Variants in ROCK2 observed in about 807,000 individuals in gnomAD.
ROCK2 encodes the protein rho-associated protein kinase 2.
ROCK2 carries 61 observed loss-of-function variants against 195.1 expected under a neutral mutation model. The ratio of observed to expected loss-of-function variants is 0.31; its 90% CI spans 0.25 to 0.39. The LOEUF is 0.39. Ranked by LOEUF, ROCK2 falls within the 10% of genes least tolerant of loss-of-function variation. ROCK2 has a pLI of 1.00. For synonymous variants in ROCK2, 504 were observed against 545.5 expected, an observed-to-expected ratio of 0.92 and a Z score of 1.06; for missense variants, 1,109 against 1,637.4, an observed-to-expected ratio of 0.68 and a Z score of 5.57.
intron 1 of ROCK2, among the ~76,000 whole-genome samples, chr2:11,299,354 A>G (rs904902154): frequency 1.3e-5 from 2 of 152,166 alleles, no homozygotes; most frequent in Non-Finnish European, 2.9e-5. Context: ...TTCCAGTCAA[A>G]TATTAATCAA....
In ROCK2 at chr2:11,344,444, C is replaced by G. The variant is rs1669221434; in HGVS notation, c.-308G>C. The G allele has an allele frequency of 9.7e-7, 1 of 1,034,176 alleles. No homozygotes were observed. The highest frequency in any genetic ancestry group is 1.2e-6 in the Non-Finnish European group (1 of 862,476). The allele number at this position is 1,034,176 out of a possible 1,614,324, so 64.1% of individuals were successfully genotyped here. Reference sequence around the variant, plus strand: ...TCCTCAGCGAGTGCCCGCAGGAGTCCTCGGGCGGGAGCAGGGAAGTGGCGC... The same window carrying G: ...TCCTCAGCGAGTGCCCGCAGGAGTCGTCGGGCGGGAGCAGGGAAGTGGCGC... On this transcript the variant is annotated 5_prime_UTR_variant, in exon 1 of 33. Coordinates refer to ENST00000315872, the MANE Select transcript of ROCK2 (RefSeq NM_004850.5). This position sits in a 1 kb window ranked among gnomAD's most constrained non-coding sequence, Gnocchi z 5.4.
Position 11,192,833 on chromosome 2 carries a change from T to C in ROCK2, c.3688-121A>G, listed in dbSNP as rs1318300465. Reference sequence around the variant, plus strand: ...AATTATTCAAAGAGAAGAAAATGTATCTGAAGTACAAACTTAAGCTCTTGA... The same window carrying C: ...AATTATTCAAAGAGAAGAAAATGTACCTGAAGTACAAACTTAAGCTCTTGA... On this transcript the variant is annotated intron_variant, in intron 30 of 32. Coordinates refer to ENST00000315872, the MANE Select transcript of ROCK2 (RefSeq NM_004850.5). The surrounding 1 kb of genome is among the most constrained non-coding windows in gnomAD (Gnocchi z 5.0). 3 of 1,128,172 alleles carry C rather than the reference T, an allele frequency of 2.7e-6. No individual in the cohort carries two copies. Among genetic ancestry groups the C allele is most frequent in the Non-Finnish European group, 3.7e-6 (3 of 816,612 alleles). The allele number at this position is 1,128,172 out of a possible 1,614,324, so 69.9% of individuals were successfully genotyped here.
chr2:11,309,023 T>G, intron 1 of ROCK2: 2 of 1,564,630 alleles, frequency 1.3e-6, no homozygotes, highest in Non-Finnish European at 1.7e-6. Context: ...GTATTCACCC[T>G]TCAACAGGCA....
intron 12 of ROCK2, among the ~76,000 whole-genome samples, chr2:11,216,545 C>G (rs1664435749): frequency 6.7e-6 from 1 of 149,652 alleles, no homozygotes; most frequent in Non-Finnish European, 1.5e-5. Context: ...GAGTCTCGCT[C>G]TGTCGCCCAG....
At chr2:11,236,847 A>G (rs1246038215) in intron 4 of ROCK2, among the ~76,000 whole-genome samples, 2 of 152,216 alleles carry the variant, frequency 1.3e-5, no homozygotes, top group Non-Finnish European at 1.5e-5. Flanking sequence ...CAAACCGAAG[A>G]CAGCTTTAAA....
rs150658694 is a variant in ROCK2 at position 11,342,940 on chromosome 2, C to G, written c.141+1056G>C. The stretch of plus-strand genomic sequence containing the variant: ...CAACCGCCTCTGACCAAAAGCCAGT[C>G]CGTCCGTCCCTGGAAAGGGAGGAGG... On this transcript the variant is annotated intron_variant, in intron 1 of 32. Coordinates refer to ENST00000315872, the MANE Select transcript of ROCK2 (RefSeq NM_004850.5). Among the ~76,000 whole-genome samples, 1,069 of 152,312 alleles carry G rather than the reference C, an allele frequency of 7.0e-3. 15 individuals are homozygous for G. Among genetic ancestry groups the G allele is most frequent in the African/African-American group, 0.024 (1,016 of 41,546 alleles).
intron 5 of ROCK2, among the ~76,000 whole-genome samples, chr2:11,231,676 T>C (rs1242796431): frequency 6.6e-6 from 1 of 152,138 alleles, no homozygotes; most frequent in African/African-American, 2.4e-5. Flanking sequence ...CACTCACATT[T>C]AGATAAGTTT....
At chr2:11,295,485 C>T (rs1667483917) in intron 1 of ROCK2, among the ~76,000 whole-genome samples, 1 of 151,808 alleles carries the variant, frequency 6.6e-6, no homozygotes, top group African/African-American at 2.4e-5. Context: ...CCCCAAAAGG[C>T]CTGCTGGTTT....
Position 11,224,309 on chromosome 2 carries a change from C to A in ROCK2, c.1007+13G>T. On this transcript the variant is annotated intron_variant, in intron 7 of 32. Coordinates refer to ENST00000315872, the MANE Select transcript of ROCK2 (RefSeq NM_004850.5). Reference sequence around the variant, plus strand: ...TAAAGGGCTTCTCTACAAAGAAATTCAATGTACATTACCTATCTGTTAAGA... The same window carrying A: ...TAAAGGGCTTCTCTACAAAGAAATTAAATGTACATTACCTATCTGTTAAGA... The A allele has an allele frequency of 6.3e-7, 1 of 1,588,540 alleles. No individual in the cohort carries two copies. Among genetic ancestry groups the A allele is most frequent in the South Asian group, 1.2e-5 (1 of 86,192 alleles).
intron 3 of ROCK2, among the ~76,000 whole-genome samples, chr2:11,262,549 T>C (rs1288969205): frequency 6.6e-6 from 1 of 152,124 alleles, no homozygotes; most frequent in Non-Finnish European, 1.5e-5. Flanking sequence ...GTTCTCATGA[T>C]AGTAAGTAGT....
chr2:11,214,829 G>A lies in ROCK2; in HGVS notation c.1936+11C>T, dbSNP rs182816759. The A allele has an allele frequency of 1.3e-4, 209 of 1,584,234 alleles. No individual in the cohort carries two copies. Among genetic ancestry groups the A allele is most frequent in the Non-Finnish European group, 1.2e-4 (138 of 1,167,062 alleles). ...TCAAAATTAATTCAAGTGCAACCAC[G>A]ACTTCAATACCTTGTAAATCATTAA... On this transcript the variant is annotated intron_variant, in intron 16 of 32. Coordinates refer to ENST00000315872, the MANE Select transcript of ROCK2 (RefSeq NM_004850.5).
At chr2:11,292,046 G>C (rs1212564947) in intron 1 of ROCK2, among the ~76,000 whole-genome samples, 2 of 152,106 alleles carry the variant, frequency 1.3e-5, no homozygotes, top group Admixed American at 6.5e-5. Context: ...TGTGAATTTA[G>C]TAACTCAGAG....
At chr2:11,220,502 AT>A (rs1351885835) in intron 9 of ROCK2, among the ~76,000 whole-genome samples, 1 of 152,174 alleles carries the variant, frequency 6.6e-6, no homozygotes, top group East Asian at 1.9e-4. Context: ...ACCAATATTT[AT>A]TGAATGATCT....
intron 1 of ROCK2, among the ~76,000 whole-genome samples, chr2:11,298,592 G>C (rs1378798430): frequency 6.6e-6 from 1 of 151,974 alleles, no homozygotes; most frequent in African/African-American, 2.4e-5. Flanking sequence ...CTCAATCAGG[G>C]AGGACATATG....
chr2:11,261,801 G>C (rs1035993170), intron 3 of ROCK2, among the ~76,000 whole-genome samples: 1 of 152,138 alleles, frequency 6.6e-6, no homozygotes, highest in Non-Finnish European at 1.5e-5. Flanking sequence ...CTCCAGCCTG[G>C]GTCACAGAGC....
At chr2:11,218,209 G>A (rs904946290) in intron 11 of ROCK2, 3 of 342,064 alleles carry the variant, frequency 8.8e-6, no homozygotes, top group African/African-American at 6.4e-5. Flanking sequence ...GTTATTATAT[G>A]CTAATCAGAA....
At chr2:11,259,086 T>C (rs1666134498) in intron 3 of ROCK2, among the ~76,000 whole-genome samples, 1 of 151,430 alleles carries the variant, frequency 6.6e-6, no homozygotes, top group South Asian at 2.1e-4. Flanking sequence ...TTTGAGCTTT[T>C]AAGGGAGATT....
chr2:11,220,831 A>G (rs145144903), intron 9 of ROCK2, among the ~76,000 whole-genome samples: 1 of 152,206 alleles, frequency 6.6e-6, no homozygotes, highest in East Asian at 1.9e-4. Context: ...GATGACTTCT[A>G]TTTTTCTTCT....
Position 11,208,291 on chromosome 2 carries a change from T to C in ROCK2, c.2360A>G (p.Glu787Gly), listed in dbSNP as rs528187081. Residue 787 changes from glutamate to glycine, a missense_variant, in exon 19 of 33, where the codon GAG becomes GGG. Physicochemically the swap from Glu to Gly is moderately conservative, Grantham distance 98. Transcript: ENST00000315872. Reference protein sequence around the residue: ...ELLKQKDVLNEDVRNLTLKIE... With the variant: ...ELLKQKDVLNGDVRNLTLKIE... ...ATTAGTACACTTAATACTTACATCC[T>C]CATTTAGCACATCTTTCTGTTTAAG... The C allele has an allele frequency of 4.7e-5, 67 of 1,421,200 alleles. No homozygotes were observed. In the South Asian group the frequency reaches 1.1e-3, roughly 23 times the overall value. 88.0% of individuals were successfully genotyped at this position (1,421,200 alleles called of 1,614,324 possible). A position where few individuals can be genotyped will look rare whatever the true frequency, so the allele number is the denominator to read the frequency against.
Sources: allele counts gnomAD v4.1 joint callset (sites outside exome capture counted in the v4.1 genomes callset), GRCh38; gene constraint gnomAD v4.1.1; non-coding constraint Gnocchi (gnomAD v3.1); transcripts MANE v1.5; gene names NCBI Gene and HGNC (gene_info 2026-07-23, HGNC 2026-07-21).